The following RGS6 variants were observed in gnomAD, a reference collection of about 807,000 sequenced individuals.
RGS6 encodes the protein regulator of G protein signaling 6, also known as regulator of G-protein signaling 6.
RGS6 carries 30 observed loss-of-function variants against 78.5 expected under a neutral mutation model. The ratio of observed to expected loss-of-function variants is 0.38; its 90% CI spans 0.29 to 0.52. RGS6 has a LOEUF of 0.52. Ranked by LOEUF, RGS6 falls within the 20% of genes least tolerant of loss-of-function variation. RGS6 has a pLI of 0.85. For synonymous variants in RGS6, 206 were observed against 206.0 expected (o/e 1.00, Z 0.00); for missense variants, 495 against 609.7 (o/e 0.81, Z 1.98).
chr14:71,959,435 A>G (rs1045781658), intron 1 of RGS6, among the ~76,000 whole-genome samples: 3 of 152,240 alleles, frequency 2.0e-5, no homozygotes, highest in African/African-American at 4.8e-5. Context: ...ATTTGGCAGC[A>G]TAAATATTCA....
chr14:72,431,413 T>C (rs2094629389), intron 3 of RGS6, among the ~76,000 whole-genome samples: 3 of 152,196 alleles, frequency 2.0e-5, no homozygotes, highest in Non-Finnish European at 4.4e-5. Context: ...AATGCAGTGG[T>C]GCGATCTTGG....
chr14:72,213,252 G>A (rs1012679961), intron 2 of RGS6, among the ~76,000 whole-genome samples: 2 of 151,980 alleles, frequency 1.3e-5, no homozygotes, highest in African/African-American at 2.4e-5. Context: ...TTTGCCTCTC[G>A]AGACTTTCTA....
At chr14:71,904,302 G>A in the RGS6 span, among the ~76,000 whole-genome samples, 1 of 152,140 alleles carries the variant, frequency 6.6e-6, no homozygotes, top group African/African-American at 2.4e-5. Context: ...CAGCAAAACT[G>A]TATTTTCACC....
chr14:72,558,866 T>C (rs1221321903), intron 17 of RGS6, among the ~76,000 whole-genome samples: 1 of 152,250 alleles, frequency 6.6e-6, no homozygotes, highest in Non-Finnish European at 1.5e-5. Flanking sequence ...AATCACTGTA[T>C]ATTTTTTCAC....
the RGS6 span, among the ~76,000 whole-genome samples, chr14:71,885,023 C>A: frequency 6.6e-6 from 1 of 152,168 alleles, no homozygotes; most frequent in Non-Finnish European, 1.5e-5. Flanking sequence ...AAACTGACAG[C>A]ACTGCAAATG....
chr14:72,203,601 G>T (rs191446701), intron 2 of RGS6, among the ~76,000 whole-genome samples: 1 of 152,120 alleles, frequency 6.6e-6, no homozygotes. Flanking sequence ...ATGGCTGTTG[G>T]CTAGAGACAT....
chr14:72,605,863 CT>C, the RGS6 span, among the ~76,000 whole-genome samples: 2 of 152,250 alleles, frequency 1.3e-5, no homozygotes, highest in East Asian at 3.8e-4. Context: ...GAGGACACCC[CT>C]GTGCCCTTCC....
chr14:72,146,563 T>C (rs574074770), intron 2 of RGS6, among the ~76,000 whole-genome samples: 12 of 152,264 alleles, frequency 7.9e-5, no homozygotes, highest in African/African-American at 2.9e-4. Context: ...TTTGATACAA[T>C]GGTGAGACAG....
intron 2 of RGS6, among the ~76,000 whole-genome samples, chr14:72,237,087 G>A (rs566435039): frequency 2.0e-5 from 3 of 152,244 alleles, no homozygotes; most frequent in African/African-American, 7.2e-5. Flanking sequence ...TACTATTTGG[G>A]ATAAGTACAT....
At chr14:71,931,030 A>C (rs2087821252), upstream of RGS6, among the ~76,000 whole-genome samples, 1 of 145,580 alleles carries the variant, frequency 6.9e-6, no homozygotes, top group African/African-American at 2.5e-5. Flanking sequence ...AGAGCTCCTC[A>C]AAGCGGAAGT....
intron 2 of RGS6, among the ~76,000 whole-genome samples, chr14:72,286,187 T>C (rs1595326492): frequency 6.6e-6 from 1 of 152,368 alleles, no homozygotes; most frequent in East Asian, 1.9e-4. Flanking sequence ...TTGATTTTTA[T>C]ATGGTATAAA....
intron 2 of RGS6, among the ~76,000 whole-genome samples, chr14:72,080,463 C>A (rs2094771512): frequency 6.6e-6 from 1 of 151,934 alleles, no homozygotes. Flanking sequence ...ATATATTCTC[C>A]CATTCTATAG....
chr14:72,182,549 T>C (rs1235098992), intron 2 of RGS6, among the ~76,000 whole-genome samples: 1 of 152,142 alleles, frequency 6.6e-6, no homozygotes, highest in Admixed American at 6.5e-5. Flanking sequence ...AATAGCACCA[T>C]GGCTTTTTAA....
At chr14:72,033,090 C>T (rs368754633) in intron 2 of RGS6, among the ~76,000 whole-genome samples, 1 of 152,216 alleles carries the variant, frequency 6.6e-6, no homozygotes, top group Non-Finnish European at 1.5e-5. Flanking sequence ...CTACCTTAAA[C>T]ATGCTAAGAA....
the RGS6 span, among the ~76,000 whole-genome samples, chr14:72,611,381 T>C: frequency 6.6e-6 from 1 of 152,238 alleles, no homozygotes; most frequent in Non-Finnish European, 1.5e-5. Flanking sequence ...AAGGTGAGCA[T>C]GGAAGGTTTG....
At chr14:72,094,030 ATGTAT>A (rs2095344683) in intron 2 of RGS6, among the ~76,000 whole-genome samples, 1 of 152,124 alleles carries the variant, frequency 6.6e-6, no homozygotes. Flanking sequence ...ATAAAGAACA[ATGTAT>A]TGTGTGCCAT....
At chr14:72,269,148 C>T (rs6574058) in intron 2 of RGS6, among the ~76,000 whole-genome samples, 126,098 of 151,826 alleles carry the variant, frequency 0.83, 52,551 homozygotes, top group Non-Finnish European at 0.87. Flanking sequence ...CCCCACCACC[C>T]ACCTTGCTCC....
intron 2 of RGS6, among the ~76,000 whole-genome samples, chr14:72,101,558 T>C (rs906947320): frequency 1.3e-5 from 2 of 152,230 alleles, no homozygotes; most frequent in Non-Finnish European, 2.9e-5. Context: ...GGTCTCTCTG[T>C]CTGGACTGTT....
At chr14:72,137,569 T>C (rs1403325390) in intron 2 of RGS6, among the ~76,000 whole-genome samples, 1 of 152,234 alleles carries the variant, frequency 6.6e-6, no homozygotes, top group Non-Finnish European at 1.5e-5. Flanking sequence ...TCATGTTTGA[T>C]TAATTTGCTA....
Sources: allele counts gnomAD v4.1 joint callset (sites outside exome capture counted in the v4.1 genomes callset), GRCh38; gene constraint gnomAD v4.1.1; transcripts MANE v1.5; gene names NCBI Gene and HGNC (gene_info 2026-07-23, HGNC 2026-07-21).